Variants in TRAPPC8 observed in about 807,000 individuals in gnomAD.
TRAPPC8 encodes trafficking protein particle complex subunit 8, also known as general sporulation gene 1 homolog.
Under a neutral mutation model 174.3 loss-of-function variants are expected in TRAPPC8, and 54 were observed. The observed-to-expected ratio is 0.31, with a 90% CI of 0.25 to 0.39. The LOEUF (loss-of-function observed/expected upper bound fraction) is 0.39, where lower values mean the gene tolerates loss of function less well. TRAPPC8 is among the 10% of genes least tolerant of loss of function. The probability of loss-of-function intolerance (pLI) is 1.00; values close to 1 mark genes in which losing one functional copy is unlikely to be tolerated. For missense variants in TRAPPC8, 1,531 were observed against 1,699.1 expected (o/e 0.90, Z 1.74); for synonymous variants, 630 against 579.9 (o/e 1.09, Z -1.24).
chr18:31,925,430 C>T (rs765432666), intron 2 of TRAPPC8, among the ~76,000 whole-genome samples: 21 of 151,764 alleles, frequency 1.4e-4, no homozygotes, highest in Non-Finnish European at 2.7e-4. Flanking sequence ...ATAGAAGGAT[C>T]AGAAGATAAA....
At chr18:31,902,962 T>C (rs1055233094) in intron 9 of TRAPPC8, among the ~76,000 whole-genome samples, 4 of 149,814 alleles carry the variant, frequency 2.7e-5, no homozygotes, top group African/African-American at 9.9e-5. Flanking sequence ...GGCAGGAGAA[T>C]GGCGTGAACC....
intron 11 of TRAPPC8, among the ~76,000 whole-genome samples, chr18:31,893,264 CTT>C (rs1405637830): frequency 6.6e-6 from 1 of 151,956 alleles, no homozygotes; most frequent in Non-Finnish European, 1.5e-5. Context: ...AGAGTTTATT[CTT>C]TTGCAGGGAA....
At chr18:31,940,479 A>AC (rs1197820114) in intron 1 of TRAPPC8, among the ~76,000 whole-genome samples, 1 of 152,132 alleles carries the variant, frequency 6.6e-6, no homozygotes, top group Non-Finnish European at 1.5e-5. Context: ...AAAACAAAAA[A>AC]CAAAAAAACT....
At chr18:31,914,402 A>G (rs1181326198) in intron 4 of TRAPPC8, among the ~76,000 whole-genome samples, 1 of 152,190 alleles carries the variant, frequency 6.6e-6, no homozygotes, top group Admixed American at 6.5e-5. Flanking sequence ...CCTAAGAACC[A>G]TTCATCTGAT....
chr18:31,920,805 G>A (rs974238077), intron 2 of TRAPPC8, among the ~76,000 whole-genome samples: 7 of 151,908 alleles, frequency 4.6e-5, no homozygotes, highest in South Asian at 4.2e-4. Flanking sequence ...GCTGGGCATC[G>A]TGGCATCCAC....
chr18:31,908,423 A>T lies in TRAPPC8; in HGVS notation c.1123-5T>A. On this transcript the variant is annotated splice_region_variant and splice_polypyrimidine_tract_variant and intron_variant, in intron 7 of 28. Transcript: ENST00000283351. ...CAAACCTTTTCTTGATATTAGCTTT[A>T]AAAAAGAGATTAAATATGTTGACAA... 1 of 1,526,500 alleles carries T rather than the reference A, an allele frequency of 6.6e-7. No individual in the cohort carries two copies. Among genetic ancestry groups the T allele is most frequent in the Non-Finnish European group, 8.9e-7 (1 of 1,127,120 alleles). 94.6% of individuals were successfully genotyped at this position (1,526,500 alleles called of 1,614,324 possible). A position where few individuals can be genotyped will look rare whatever the true frequency, so the allele number is the denominator to read the frequency against.
intron 4 of TRAPPC8, 91 bp downstream of exon 4, chr18:31,916,181 C>T (rs977237588): frequency 7.2e-6 from 7 of 971,806 alleles, no homozygotes; most frequent in Non-Finnish European, 2.8e-6. Flanking sequence ...ATTCTTGTAT[C>T]AAAAATAAAT....
At chr18:31,879,983 T>G (rs12964723) in intron 12 of TRAPPC8, among the ~76,000 whole-genome samples, 1 of 91,528 alleles carries the variant, frequency 1.1e-5, no homozygotes, top group Non-Finnish European at 2.4e-5. Context: ...AAAAAAAAAA[T>G]AAATAAACAA....
At chr18:31,858,552 C>T (rs2034155440) in intron 19 of TRAPPC8, among the ~76,000 whole-genome samples, 1 of 152,144 alleles carries the variant, frequency 6.6e-6, no homozygotes, top group African/African-American at 2.4e-5. Context: ...TATATTCTTT[C>T]CCATTTAGTG....
chr18:31,830,009 CTTA>C lies in TRAPPC8; in HGVS notation c.*743_*745del, dbSNP rs1478967900. On this transcript the variant is annotated 3_prime_UTR_variant, in exon 29 of 29. Transcript: ENST00000283351. Reference sequence around the variant, plus strand: ...ATAAATATAATACATTTTTGAAAAGCTTATTTTTAATTAACTTGAGATTTATAT... The same window carrying C: ...ATAAATATAATACATTTTTGAAAAGCTTTTTAATTAACTTGAGATTTATAT... 1 of 152,444 alleles carries C rather than the reference CTTA, an allele frequency of 6.6e-6. No homozygotes were observed. The highest frequency in any genetic ancestry group is 1.5e-5 in the Non-Finnish European group (1 of 68,008). 9.4% of individuals were successfully genotyped at this position (152,444 alleles called of 1,614,324 possible).
intron 26 of TRAPPC8, among the ~76,000 whole-genome samples, chr18:31,843,006 A>G (rs1301744475): frequency 6.6e-6 from 1 of 152,180 alleles, no homozygotes; most frequent in African/African-American, 2.4e-5. Context: ...GAAAAGAAAA[A>G]GATCTAAAGG....
chr18:31,869,104 A>G (rs1598635717), intron 16 of TRAPPC8, among the ~76,000 whole-genome samples: 2 of 152,238 alleles, frequency 1.3e-5, no homozygotes, highest in South Asian at 4.1e-4. Flanking sequence ...ATTAGTAAGT[A>G]AATATATCTA....
intron 1 of TRAPPC8, among the ~76,000 whole-genome samples, chr18:31,939,998 A>G (rs1462462623): frequency 6.6e-6 from 1 of 152,262 alleles, no homozygotes; most frequent in Non-Finnish European, 1.5e-5. Context: ...CAACAGCTGC[A>G]TATGGCTACT....
Position 31,917,680 on chromosome 18 carries a change from A to T in TRAPPC8, c.353-13T>A. Reference sequence around the variant, plus strand: ...CATGGAGTAGTGGCTAAAATTAACAATATACAAAACAGTTAAAAGTATTCA... The same window carrying T: ...CATGGAGTAGTGGCTAAAATTAACATTATACAAAACAGTTAAAAGTATTCA... On this transcript the variant is annotated splice_polypyrimidine_tract_variant and intron_variant, in intron 2 of 28. Coordinates refer to ENST00000283351, the MANE Select transcript of TRAPPC8 (RefSeq NM_014939.5). 1.2e-6 allele frequency: 2 copies of T among 1,605,288 alleles called. No individual in the cohort carries two copies. Among genetic ancestry groups the T allele is most frequent in the Non-Finnish European group, 1.7e-6 (2 of 1,173,214 alleles).
intron 2 of TRAPPC8, among the ~76,000 whole-genome samples, chr18:31,928,665 T>C (rs763062492): frequency 1.3e-5 from 2 of 152,232 alleles, no homozygotes; most frequent in Non-Finnish European, 2.9e-5. Flanking sequence ...TTACAATGTA[T>C]TGTTGATATT....
chr18:31,942,700 G>C lies in TRAPPC8; in HGVS notation c.65C>G (p.Ala22Gly). 6.2e-7 allele frequency: 1 copy of C among 1,607,766 alleles called. No homozygotes were observed. Among genetic ancestry groups the C allele is most frequent in the Non-Finnish European group, 8.5e-7 (1 of 1,177,360 alleles). ...CCGCTCGGCTTCGTCGCTGCACAGCGCAGCGACACAGGGGACGAAGGAGTC... is the reference window on the plus strand; with the variant it reads ...CCGCTCGGCTTCGTCGCTGCACAGCCCAGCGACACAGGGGACGAAGGAGTC... ...IPDSFVPCVAALCSDEAERLT... is the reference protein window; with the variant it reads ...IPDSFVPCVAGLCSDEAERLT... Residue 22 changes from alanine (A) to glycine (G), a missense_variant, in exon 1 of 29, where the codon GCG (alanine) becomes GGG (glycine). Physicochemically the swap from Ala to Gly is moderately conservative, Grantham distance 60. Coordinates refer to ENST00000283351, the MANE Select transcript of TRAPPC8 (RefSeq NM_014939.5).
chr18:31,894,817 A>T (rs2036116827), intron 11 of TRAPPC8, among the ~76,000 whole-genome samples: 1 of 152,190 alleles, frequency 6.6e-6, no homozygotes, highest in Non-Finnish European at 1.5e-5. Flanking sequence ...AGCTGAAGAA[A>T]CTTACAAAAA....
intron 8 of TRAPPC8, among the ~76,000 whole-genome samples, chr18:31,908,047 T>C (rs1444749160): frequency 3.3e-5 from 5 of 152,220 alleles, no homozygotes; most frequent in African/African-American, 1.2e-4. Flanking sequence ...TACTAATGAA[T>C]ACCTAGTCTA....
intron 1 of TRAPPC8, 168 bp downstream of exon 1, chr18:31,942,440 G>C: frequency 1.2e-6 from 1 of 817,020 alleles, no homozygotes; most frequent in South Asian, 2.4e-5. Flanking sequence ...ACAACCTCAC[G>C]GTCCCTCCTC....
Sources: allele counts gnomAD v4.1 joint callset (sites outside exome capture counted in the v4.1 genomes callset), GRCh38; gene constraint gnomAD v4.1.1; transcripts MANE v1.5; gene names NCBI Gene and HGNC (gene_info 2026-07-23, HGNC 2026-07-21).